Variants in EPG5 observed in about 807,000 individuals in gnomAD.
The protein encoded by EPG5 is ectopic P-granules 5 autophagy tethering factor, also known as ectopic P granules protein 5 homolog.
Under a neutral mutation model 302.7 loss-of-function variants are expected in EPG5, and 159 were observed. That is an observed-to-expected ratio of 0.53 (90% CI 0.46 to 0.60). EPG5 has a LOEUF of 0.60. EPG5 is among the 20% of genes least tolerant of loss of function. The pLI, the probability that EPG5 is intolerant of heterozygous loss-of-function variation, is 0.00. For synonymous variants in EPG5, 1,158 were observed against 1,136.8 expected (o/e 1.02, Z -0.37); for missense variants, 2,896 against 3,092.4 (o/e 0.94, Z 1.51).
In EPG5 at chr18:45,882,435, G is replaced by A. The variant is rs2049117694; in HGVS notation, c.5357C>T (p.Thr1786Ile). Residue 1786 changes from threonine to isoleucine, a missense_variant, in exon 31 of 44, where the codon ACC becomes ATC. Around this residue, in one of 5 missense-constraint regions of EPG5, gnomAD observed 790 missense variants for 798.0 expected, o/e 0.99. Coordinates refer to ENST00000282041, the MANE Select transcript of EPG5 (RefSeq NM_020964.3). ...CAAGTGAATGGACTCCAGAAGCCTG[G>A]TACGATCAGACAGAGGAGGTTTAGT... ...SATKPPLSDRTRLLESIHLAL... is the reference protein window; with the variant it reads ...SATKPPLSDRIRLLESIHLAL... 3 of 1,614,010 alleles carry A rather than the reference G, an allele frequency of 1.9e-6. No homozygotes were observed. Among genetic ancestry groups the A allele is most frequent in the South Asian group, 1.1e-5 (1 of 91,088 alleles).
intron 39 of EPG5, among the ~76,000 whole-genome samples, chr18:45,864,295 T>C (rs1007491000): frequency 6.6e-6 from 1 of 152,164 alleles, no homozygotes; most frequent in Non-Finnish European, 1.5e-5. Context: ...CTGAGTATTT[T>C]CTTCAGTTTT....
the EPG5 span, among the ~76,000 whole-genome samples, chr18:45,833,316 T>TTTA: frequency 7.2e-5 from 11 of 151,892 alleles, no homozygotes; most frequent in African/African-American, 2.7e-4. Flanking sequence ...TTTTATTTAT[T>TTTA]TTATTATTAT....
intron 13 of EPG5, among the ~76,000 whole-genome samples, chr18:45,926,977 T>C (rs551700536): frequency 1.3e-5 from 2 of 151,986 alleles, no homozygotes; most frequent in East Asian, 1.9e-4. Context: ...GAACTGTATA[T>C]GAAAAGCTTT....
chr18:45,949,445 T>TC, intron 5 of EPG5, 39 bp downstream of exon 5: 1 of 1,263,436 alleles, frequency 7.9e-7, no homozygotes, highest in Non-Finnish European at 1.1e-6. Flanking sequence ...ATAAAACCTC[T>TC]CCCCCAACCC....
Position 45,952,395 on chromosome 18 carries a change from C to G in EPG5, c.1252+5G>C, listed in dbSNP as rs375372125. 31 of 1,613,318 alleles carry G rather than the reference C, an allele frequency of 1.9e-5. No individual in the cohort carries two copies. The African/African-American group carries it at 3.9e-4, about 20-fold the overall frequency. On this transcript the variant is annotated splice_donor_5th_base_variant and intron_variant, in intron 3 of 43. Transcript: ENST00000282041. ...ACAAGAAAGAGAGCTTCATTACTTA[C>G]ATACCTCGGCCTTGCTGGTGAATTG...
intron 40 of EPG5, among the ~76,000 whole-genome samples, chr18:45,859,105 T>C (rs1599427644): frequency 1.3e-5 from 2 of 152,358 alleles, no homozygotes; most frequent in Middle Eastern, 3.4e-3. Flanking sequence ...TAAAACCACA[T>C]GTAGACACTG....
chr18:45,958,336 T>C (rs1272801598), intron 1 of EPG5, among the ~76,000 whole-genome samples: 3 of 152,190 alleles, frequency 2.0e-5, no homozygotes, highest in Non-Finnish European at 2.9e-5. Context: ...GATACTTAAA[T>C]TGCATACAGA....
intron 27 of EPG5, among the ~76,000 whole-genome samples, chr18:45,891,657 TA>T (rs982699040): frequency 4.6e-5 from 7 of 152,154 alleles, no homozygotes; most frequent in Admixed American, 3.9e-4. Context: ...CTCATTAATG[TA>T]TTAAAAATCT....
In EPG5 at chr18:45,954,840, A is replaced by T; in HGVS notation, c.562T>A (p.Ser188Thr). The change falls in exon 2 of 44, where the codon TCT (serine) becomes ACT (threonine). Residue 188 changes from serine to threonine, a missense_variant. By Grantham distance (58) the Ser-to-Thr change is moderately conservative. This residue lies in a region of EPG5 where 1,390 missense variants were observed against 1,430.0 expected (regional missense o/e 0.97). Transcript: ENST00000282041. ...SKEDKQGLVC[S>T]SEVPQNVGLQ... ...CCAACATTCTGTGGCACCTCTGAAGAACAAACCAGGCCTTGTTTGTCTTCT... is the reference window on the plus strand; with the variant it reads ...CCAACATTCTGTGGCACCTCTGAAGTACAAACCAGGCCTTGTTTGTCTTCT... 6.2e-7 allele frequency: 1 copy of T among 1,614,190 alleles called. No individual in the cohort carries two copies. Among genetic ancestry groups the T allele is most frequent in the East Asian group, 2.2e-5 (1 of 44,878 alleles).
At chr18:45,900,849 G>C (rs2049597741) in intron 26 of EPG5, 147 bp downstream of exon 26, 4 of 650,548 alleles carry the variant, frequency 6.1e-6, no homozygotes, top group Non-Finnish European at 9.9e-6. Context: ...TCACAACTTG[G>C]TTAACCAAGT....
chr18:45,857,793 A>C, intron 42 of EPG5, 60 bp downstream of exon 42: 1 of 1,377,748 alleles, frequency 7.3e-7, no homozygotes, highest in Admixed American at 1.7e-5. Flanking sequence ...ACAACCTGTA[A>C]GTAGGTACAG....
At chr18:45,935,384 A>C (rs2050498074) in intron 10 of EPG5, among the ~76,000 whole-genome samples, 1 of 152,182 alleles carries the variant, frequency 6.6e-6, no homozygotes, top group African/African-American at 2.4e-5. Flanking sequence ...CTTTACTAAA[A>C]ATACAAAATT....
the EPG5 span, chr18:45,825,561 G>C: frequency 1.6e-6 from 1 of 643,212 alleles, no homozygotes; most frequent in Non-Finnish European, 2.7e-6. Context: ...AGGCTGCCAG[G>C]CTTCCTGTCC....
the EPG5 span, among the ~76,000 whole-genome samples, chr18:45,812,994 G>C: frequency 6.6e-6 from 1 of 152,124 alleles, no homozygotes; most frequent in South Asian, 2.1e-4. Context: ...CCCACAGAAT[G>C]GGAGAAAATT....
At chr18:45,900,865 G>A (rs1269416096) in intron 26 of EPG5, 131 bp downstream of exon 26, 20 of 870,624 alleles carry the variant, frequency 2.3e-5, no homozygotes, top group African/African-American at 3.4e-5. Flanking sequence ...CAAGTGAACC[G>A]TCTGGGCCAG....
At position 45,889,726 on chromosome 18, in the gene EPG5, T is replaced by C. The variant is rs2049298021; in HGVS notation, c.4952+72A>G. 5 of 1,387,170 alleles carry C rather than the reference T, an allele frequency of 3.6e-6. 1 individual carries two copies. The South Asian group carries it at 7.0e-5, about 19-fold the overall frequency. 85.9% of individuals were successfully genotyped at this position (1,387,170 alleles called of 1,614,324 possible). The stretch of plus-strand genomic sequence containing the variant: ...GTGGGTGCTGCAGGGGTGGTGGTGG[T>C]ATAGTAGCATGTATGATTACTATTC... On this transcript the variant is annotated intron_variant, in intron 28 of 43. Transcript: ENST00000282041.
chr18:45,805,459 A>AGAACAAAAATC, the EPG5 span, among the ~76,000 whole-genome samples: 3 of 151,608 alleles, frequency 2.0e-5, no homozygotes, highest in South Asian at 6.2e-4. Flanking sequence ...AAGTAACAGA[A>AGAACAAAAATC]GAACAAAAAT....
chr18:45,825,188 GAGAGAGGGAGGA>G, the EPG5 span, among the ~76,000 whole-genome samples: 380 of 134,318 alleles, frequency 2.8e-3, 7 homozygotes, highest in South Asian at 0.046. Flanking sequence ...GAGAGGGAGG[GAGAGAGGGAGGA>G]AGAGAGGGAT....
At chr18:45,828,657 GA>G in the EPG5 span, among the ~76,000 whole-genome samples, 1 of 152,214 alleles carries the variant, frequency 6.6e-6, no homozygotes, top group Non-Finnish European at 1.5e-5. Flanking sequence ...CTGCAATGGG[GA>G]TTTGGTGACT....
Sources: gnomAD v4.1 joint callset for allele counts (sites outside exome capture counted in the v4.1 genomes callset) on GRCh38, gnomAD v4.1.1 for gene constraint, gnomAD v4.1.1 regional missense constraint, MANE v1.5 for transcripts, NCBI Gene and HGNC (gene_info 2026-07-23, HGNC 2026-07-21) for gene names.